The following PGPEP1 variants were observed in gnomAD, a reference collection of about 807,000 sequenced individuals.
PGPEP1 encodes pyroglutamyl-peptidase I.
A neutral mutation model predicts 24.1 loss-of-function variants in PGPEP1; 15 were observed. That is an observed-to-expected ratio of 0.62 (90% CI 0.42 to 0.96). The LOEUF (loss-of-function observed/expected upper bound fraction) is 0.96, where lower values mean the gene tolerates loss of function less well. Among genes scored for constraint, PGPEP1 ranks in the 40% least tolerant of loss-of-function variants. The pLI is 0.00. For synonymous variants in PGPEP1, 122 were observed against 116.4 expected (o/e 1.05, Z -0.31); for missense variants, 242 against 273.4 (o/e 0.89, Z 0.81).
intron 2 of PGPEP1, among the ~76,000 whole-genome samples, chr19:18,354,234 C>CAAAAAAAAAAAAAAA (rs1971116961): frequency 6.6e-6 from 1 of 151,538 alleles, no homozygotes; most frequent in Admixed American, 6.6e-5. Context: ...GACTCTGTCT[C>CAAAAAAAAAAAAAAA]AAAAAAATAA....
At chr19:18,356,793 CT>C (rs1311643524) in intron 3 of PGPEP1, among the ~76,000 whole-genome samples, 2 of 151,996 alleles carry the variant, frequency 1.3e-5, no homozygotes, top group Non-Finnish European at 2.9e-5. Context: ...AATCTGAGCA[CT>C]TTGGGATGCT....
chr19:18,350,186 A>G (rs1970979568), intron 2 of PGPEP1, among the ~76,000 whole-genome samples: 1 of 151,920 alleles, frequency 6.6e-6, no homozygotes, highest in Admixed American at 6.6e-5. Context: ...ACGCCTGGCT[A>G]ATTTTTTTGT....
intron 2 of PGPEP1, among the ~76,000 whole-genome samples, chr19:18,343,354 A>G (rs1006115503): frequency 2.0e-5 from 3 of 152,180 alleles, no homozygotes; most frequent in African/African-American, 7.2e-5. Flanking sequence ...TAACCACCGG[A>G]GCACACATCT....
intron 2 of PGPEP1, chr19:18,349,128 G>A: frequency 1.0e-6 from 1 of 979,120 alleles, no homozygotes; most frequent in Non-Finnish European, 1.2e-6. Context: ...CTTGGGGTAT[G>A]TGTATATGCT....
chr19:18,348,966 T>C, intron 2 of PGPEP1: 1 of 229,364 alleles, frequency 4.4e-6, no homozygotes, highest in Non-Finnish European at 7.2e-6. Flanking sequence ...TCTCACTATA[T>C]TGCCCTGGCT....
intron 2 of PGPEP1, among the ~76,000 whole-genome samples, chr19:18,354,360 C>T (rs1331576327): frequency 6.6e-6 from 1 of 151,124 alleles, no homozygotes. Flanking sequence ...CCGGGTGTGG[C>T]GGTGGGTGCC....
intron 2 of PGPEP1, among the ~76,000 whole-genome samples, chr19:18,343,637 C>T (rs894609873): frequency 1.9e-4 from 28 of 149,286 alleles, no homozygotes; most frequent in African/African-American, 2.7e-4. Context: ...GTGGTGCTGG[C>T]GTCTACTTTA....
intron 3 of PGPEP1, 75 bp from the exon 4 acceptor site, chr19:18,357,308 T>C (rs747474041): frequency 1.5e-4 from 164 of 1,090,848 alleles, no homozygotes; most frequent in Non-Finnish European, 2.1e-4. Flanking sequence ...GATGCTGCCT[T>C]TTCCCTGGCC....
intron 3 of PGPEP1, among the ~76,000 whole-genome samples, chr19:18,356,564 T>C (rs1459531786): frequency 2.0e-5 from 3 of 151,636 alleles, no homozygotes; most frequent in Non-Finnish European, 2.9e-5. Flanking sequence ...CTGGGCAGCA[T>C]AGTGAGATCC....
chr19:18,359,235 C>T (rs1357667444), intron 4 of PGPEP1, among the ~76,000 whole-genome samples: 2 of 152,088 alleles, frequency 1.3e-5, no homozygotes, highest in Non-Finnish European at 2.9e-5. Flanking sequence ...CAGAGCAAGA[C>T]CCTGTTGGCT....
chr19:18,345,739 A>AG (rs1279464997), intron 2 of PGPEP1, among the ~76,000 whole-genome samples: 4 of 151,312 alleles, frequency 2.6e-5, no homozygotes, highest in African/African-American at 7.3e-5. Context: ...AAAAAAAAAA[A>AG]AAAAAAGAAA....
Position 18,364,956 on chromosome 19 carries a change from C to T in PGPEP1, c.*1373C>T, listed in dbSNP as rs1181632807. 1.5e-4 allele frequency: 14 copies of T among 95,626 alleles called. No individual in the cohort carries two copies. Among genetic ancestry groups the T allele is most frequent in the African/African-American group, 2.7e-4 (9 of 33,750 alleles). The allele number at this position is 95,626 out of a possible 1,614,324, so 5.9% of individuals were successfully genotyped here. On this transcript the variant is annotated 3_prime_UTR_variant, in exon 5 of 5. Transcript: ENST00000269919. Reference sequence around the variant, plus strand: ...GCGGGGTGGCGCGGGGGGCTCAAAACGGGGGCGCGGGGGCTGGAGTTGGCA... The same window carrying T: ...GCGGGGTGGCGCGGGGGGCTCAAAATGGGGGCGCGGGGGCTGGAGTTGGCA...
chr19:18,357,414 C>T lies in PGPEP1; in HGVS notation c.236C>T (p.Ala79Val), dbSNP rs760471830. Residue 79 changes from alanine to valine, a missense_variant, in exon 4 of 5, where the codon GCG (alanine) becomes GTG (valine). By Grantham distance (64) the Ala-to-Val change is moderately conservative. Transcript: ENST00000269919. Reference sequence around the variant, plus strand: ...GTGCATGTGGGGGTGTCAGGCATGGCGACCACAGTCACACTGGAGAAATGT... The same window carrying T: ...GTGCATGTGGGGGTGTCAGGCATGGTGACCACAGTCACACTGGAGAAATGT... Reference protein sequence around the residue: ...LVVHVGVSGMATTVTLEKCGH... With the variant: ...LVVHVGVSGMVTTVTLEKCGH... 11 of 1,613,692 alleles carry T rather than the reference C, an allele frequency of 6.8e-6. No homozygotes were observed. The highest frequency in any genetic ancestry group is 1.7e-5 in the Admixed American group (1 of 59,936).
At chr19:18,341,911 A>ATTT (rs113532652) in intron 1 of PGPEP1, among the ~76,000 whole-genome samples, 2,712 of 144,710 alleles carry the variant, frequency 0.019, 90 homozygotes, top group African/African-American at 0.063. Flanking sequence ...GATGGACCGT[A>ATTT]TTTTTTTTTT....
rs181841147 is a variant in PGPEP1 at position 18,365,046 on chromosome 19, G to C, written c.*1463G>C. On this transcript the variant is annotated 3_prime_UTR_variant, in exon 5 of 5. Coordinates refer to ENST00000269919, the MANE Select transcript of PGPEP1 (RefSeq NM_017712.4). ...CCGGGCGGCCAAAGGGTTTTATGTA[G>C]ATTGCTTTTGGACACTCGCCCAGGA... The C allele has an allele frequency of 1.4e-4, 21 of 152,166 alleles. No homozygotes were observed. The highest frequency in any genetic ancestry group is 5.1e-4 in the African/African-American group (21 of 41,492). The allele number at this position is 152,166 out of a possible 1,614,324, so 9.4% of individuals were successfully genotyped here.
chr19:18,357,031 C>T (rs1009587451), intron 3 of PGPEP1, among the ~76,000 whole-genome samples: 2 of 152,236 alleles, frequency 1.3e-5, no homozygotes, highest in Non-Finnish European at 2.9e-5. Flanking sequence ...GAGCAAGACT[C>T]CATCTCAACA....
At chr19:18,345,811 G>A (rs1346031147) in intron 2 of PGPEP1, among the ~76,000 whole-genome samples, 5 of 151,730 alleles carry the variant, frequency 3.3e-5, no homozygotes, top group African/African-American at 9.7e-5. Flanking sequence ...AGGCTGAGGC[G>A]GGCAGATCGC....
rs929946414 is a variant in PGPEP1 at position 18,352,702 on chromosome 19, C to T, written c.88-3193C>T. Among the ~76,000 whole-genome samples the T allele has an allele frequency of 6.6e-5, 10 of 151,476 alleles. No homozygotes were observed. The East Asian group carries it at 7.8e-4, about 12-fold the overall frequency. On this transcript the variant is annotated intron_variant, in intron 2 of 4. Coordinates refer to ENST00000269919, the MANE Select transcript of PGPEP1 (RefSeq NM_017712.4). ...TCCCGAGTAGCTGGGAGTACAGGTG[C>T]GCACCATCACGCCCAGATAATTTTT...
At position 18,365,185 on chromosome 19, in the gene PGPEP1, AG is replaced by A. The variant is rs1907190504; in HGVS notation, c.*1605del. Reference sequence around the variant, plus strand: ...GTTCAGCCACATCTTGCTGCCCATTAGGGAGAGAGGACGACCCCCACAGTGA... The same window carrying A: ...GTTCAGCCACATCTTGCTGCCCATTAGGAGAGAGGACGACCCCCACAGTGA... On this transcript the variant is annotated 3_prime_UTR_variant, in exon 5 of 5. Coordinates refer to ENST00000269919, the MANE Select transcript of PGPEP1 (RefSeq NM_017712.4). 2 of 152,130 alleles carry A rather than the reference AG, an allele frequency of 1.3e-5. No homozygotes were observed. The highest frequency in any genetic ancestry group is 2.9e-5 in the Non-Finnish European group (2 of 68,020). The allele number at this position is 152,130 out of a possible 1,614,324, so 9.4% of individuals were successfully genotyped here. A position where few individuals can be genotyped will look rare whatever the true frequency, so the allele number is the denominator to read the frequency against.
Sources: allele counts gnomAD v4.1 joint callset (sites outside exome capture counted in the v4.1 genomes callset), GRCh38; gene constraint gnomAD v4.1.1; transcripts MANE v1.5; gene names NCBI Gene and HGNC (gene_info 2026-07-23, HGNC 2026-07-21).